ELOVL2: variants seen among roughly 807,000 people sequenced by gnomAD.
The protein encoded by ELOVL2 is very long chain fatty acid elongase 2.
ELOVL2 carries 38 observed loss-of-function variants against 37.7 expected under a neutral mutation model. That is an observed-to-expected ratio of 1.01 (90% CI 0.78 to 1.32). The LOEUF (loss-of-function observed/expected upper bound fraction) is 1.32. Among genes scored for constraint, ELOVL2 ranks in the 40% most tolerant of loss-of-function variants. The pLI, the probability that ELOVL2 is intolerant of heterozygous loss-of-function variation, is 0.00. For synonymous variants in ELOVL2, 115 were observed against 122.3 expected (o/e 0.94, Z 0.40); for missense variants, 352 against 363.6 (o/e 0.97, Z 0.26).
In ELOVL2 at chr6:10,982,848, T is replaced by C. The variant is rs1781964846; in HGVS notation, c.*933A>G. Reference sequence around the variant, plus strand: ...AAAGAGTTGACGAATTCAGTGCCTATTTTGCTCCCATCACTCTGCTACTTC... The same window carrying C: ...AAAGAGTTGACGAATTCAGTGCCTACTTTGCTCCCATCACTCTGCTACTTC... On this transcript the variant is annotated 3_prime_UTR_variant, in exon 8 of 8. Coordinates refer to ENST00000354666, the MANE Select transcript of ELOVL2 (RefSeq NM_017770.4). The C allele has an allele frequency of 6.6e-6, 1 of 152,242 alleles. No individual in the cohort carries two copies. The highest frequency in any genetic ancestry group is 2.1e-4 in the South Asian group (1 of 4,832). 9.4% of individuals were successfully genotyped at this position (152,242 alleles called of 1,614,324 possible).
intron 4 of ELOVL2, among the ~76,000 whole-genome samples, chr6:10,995,771 C>T (rs995571366): frequency 2.6e-5 from 4 of 152,282 alleles, no homozygotes; most frequent in Admixed American, 6.5e-5. Context: ...GCTAGTGTTA[C>T]GAATCTATCA....
At chr6:11,011,691 A>C (rs2113525399) in intron 1 of ELOVL2, among the ~76,000 whole-genome samples, 1 of 152,268 alleles carries the variant, frequency 6.6e-6, no homozygotes, top group South Asian at 2.1e-4. Context: ...TCTACTTTAT[A>C]TTACTGTAAA....
intron 1 of ELOVL2, chr6:11,015,796 G>A (rs927311868): frequency 1.3e-5 from 2 of 152,210 alleles, no homozygotes; most frequent in Admixed American, 1.3e-4. Context: ...GATGCTGACT[G>A]GGACTTCCAC....
Position 10,983,659 on chromosome 6 carries a change from A to C in ELOVL2, c.*122T>G. On this transcript the variant is annotated 3_prime_UTR_variant, in exon 8 of 8. Coordinates refer to ENST00000354666, the MANE Select transcript of ELOVL2 (RefSeq NM_017770.4). ...CAATATATTAATACATTCTGGGTAC[A>C]AATGATTTATGAACTCAAAAGAAAT... 1 of 1,098,524 alleles carries C rather than the reference A, an allele frequency of 9.1e-7. No homozygotes were observed. The highest frequency in any genetic ancestry group is 1.3e-6 in the Non-Finnish European group (1 of 789,086). The allele number at this position is 1,098,524 out of a possible 1,614,324, so 68.0% of individuals were successfully genotyped here.
rs1402336133 is a variant in ELOVL2 at position 10,982,559 on chromosome 6, T to C, written c.*1222A>G. On this transcript the variant is annotated 3_prime_UTR_variant, in exon 8 of 8. Transcript: ENST00000354666. ...TTAGTAGTGAGTAACAGTCCTGCAC[T>C]TATGGAGAAAGGAAATACTCATTAA... 1 of 152,236 alleles carries C rather than the reference T, an allele frequency of 6.6e-6. No individual in the cohort carries two copies. Among genetic ancestry groups the C allele is most frequent in the Non-Finnish European group, 1.5e-5 (1 of 68,050 alleles). The allele number at this position is 152,236 out of a possible 1,614,324, so 9.4% of individuals were successfully genotyped here. A position where few individuals can be genotyped will look rare whatever the true frequency, so the allele number is the denominator to read the frequency against.
intron 5 of ELOVL2, among the ~76,000 whole-genome samples, chr6:10,990,675 C>A (rs994985736): frequency 5.6e-5 from 8 of 142,812 alleles, no homozygotes; most frequent in African/African-American, 7.8e-5. Flanking sequence ...ATGCCCCCCC[C>A]CCGCCACACA....
chr6:11,033,432 A>G (rs1006927414), intron 1 of ELOVL2, among the ~76,000 whole-genome samples: 1 of 152,190 alleles, frequency 6.6e-6, no homozygotes, highest in Non-Finnish European at 1.5e-5. Flanking sequence ...CTTAAGGGTA[A>G]ATTTTTAGGG....
At chr6:11,025,061 G>A (rs991605383) in intron 1 of ELOVL2, among the ~76,000 whole-genome samples, 27 of 152,126 alleles carry the variant, frequency 1.8e-4, no homozygotes, top group African/African-American at 5.5e-4. Flanking sequence ...TGCAATGGTA[G>A]CACAAAGCAA....
chr6:11,029,114 G>T (rs1782881424), intron 1 of ELOVL2, among the ~76,000 whole-genome samples: 1 of 146,828 alleles, frequency 6.8e-6, no homozygotes, highest in South Asian at 2.2e-4. Flanking sequence ...TGTAGTCCTA[G>T]CTACGCAGGA....
rs578237717 is a variant in ELOVL2 at position 10,983,808 on chromosome 6, A to G, written c.864T>C (p.Asn288=). Residue 288 remains asparagine, a synonymous_variant, in exon 8 of 8, where the codon AAT becomes AAC. Coordinates refer to ENST00000354666, the MANE Select transcript of ELOVL2 (RefSeq NM_017770.4). ...GFSKAYFTAA[N]GVMNKKAQ is the part of the protein sequence containing the mutation. ...ATTGTGCTTTCTTGTTCATCACTCC[A>G]TTTGCTGCAGTGAAGTAGGCTTTGG... 1 of 1,611,786 alleles carries G rather than the reference A, an allele frequency of 6.2e-7. No homozygotes were observed.
chr6:11,032,784 C>T (rs150956943), intron 1 of ELOVL2, among the ~76,000 whole-genome samples: 357 of 152,186 alleles, frequency 2.3e-3, no homozygotes, highest in African/African-American at 8.0e-3. Context: ...GTAAGGGAGA[C>T]AGATAATACA....
intron 1 of ELOVL2, among the ~76,000 whole-genome samples, chr6:11,013,759 A>T (rs945243917): frequency 1.3e-5 from 2 of 151,888 alleles, no homozygotes; most frequent in African/African-American, 4.8e-5. Flanking sequence ...AATTGGGTGG[A>T]TGAGAAGGGA....
At chr6:11,036,631 C>T (rs1048002892) in intron 1 of ELOVL2, among the ~76,000 whole-genome samples, 1 of 152,148 alleles carries the variant, frequency 6.6e-6, no homozygotes, top group African/African-American at 2.4e-5. Flanking sequence ...TTAGAACAGT[C>T]ATGAAATCTG....
chr6:11,039,213 A>C (rs923879599), intron 1 of ELOVL2, among the ~76,000 whole-genome samples: 1 of 152,256 alleles, frequency 6.6e-6, no homozygotes, highest in African/African-American at 2.4e-5. Context: ...ACAGTGTCTC[A>C]AAGCAACTTA....
chr6:10,983,542 GGAGA>G lies in ELOVL2; in HGVS notation c.*235_*238del. On this transcript the variant is annotated 3_prime_UTR_variant, in exon 8 of 8. Coordinates refer to ENST00000354666, the MANE Select transcript of ELOVL2 (RefSeq NM_017770.4). ...GAAAGGTTCAGTCTGTGGGAGGGAG[GGAGA>G]GAGAAGCTGCACCAGTTCTGAGGTC... 1 of 342,070 alleles carries G rather than the reference GGAGA, an allele frequency of 2.9e-6. No individual in the cohort carries two copies. The highest frequency in any genetic ancestry group is 5.3e-6 in the Non-Finnish European group (1 of 190,314). The allele number at this position is 342,070 out of a possible 1,614,324, so 21.2% of individuals were successfully genotyped here.
At chr6:11,031,973 T>C (rs1782936205) in intron 1 of ELOVL2, among the ~76,000 whole-genome samples, 1 of 152,190 alleles carries the variant, frequency 6.6e-6, no homozygotes, top group Admixed American at 6.5e-5. Context: ...TGCACCAGAC[T>C]TTCTCTTTTG....
chr6:10,990,377 CAGAA>C lies in ELOVL2; in HGVS notation c.567_570del (p.Ser190CysfsTer31). The C allele has an allele frequency of 9.3e-6, 15 of 1,612,770 alleles. No homozygotes were observed. The highest frequency in any genetic ancestry group is 1.3e-5 in the Non-Finnish European group (15 of 1,179,468). On this transcript the variant is annotated frameshift_variant, in exon 6 of 8. Coordinates refer to ENST00000354666, the MANE Select transcript of ELOVL2 (RefSeq NM_017770.4). LOFTEE classifies it high-confidence loss of function. ...AGATACTTGTGCATAGATGGAAACA[CAGAA>C]AGTCCATAGTAGGAGTACATAAGAA...
In ELOVL2 at chr6:10,990,318, C is replaced by G; in HGVS notation, c.630G>C (p.Leu210=). 1 of 1,609,278 alleles carries G rather than the reference C, an allele frequency of 6.2e-7. No individual in the cohort carries two copies. Among genetic ancestry groups the G allele is most frequent in the African/African-American group, 1.3e-5 (1 of 74,768 alleles). ...AAAGCTAAAAGAAGGGACAACATAC[C>G]AGCTGAGCCTGTGTGAGATATTTCT... ...WWKKYLTQAQ[L]VQFVLTITHT... The change falls in exon 6 of 8, where the codon CTG becomes CTC. Residue 210 remains leucine, a splice_region_variant and synonymous_variant. Transcript: ENST00000354666.
intron 4 of ELOVL2, among the ~76,000 whole-genome samples, chr6:10,996,925 G>A (rs979927442): frequency 6.6e-6 from 1 of 152,010 alleles, no homozygotes; most frequent in African/African-American, 2.4e-5. Context: ...CAGAAGAATC[G>A]CTTGAACCCA....
Sources: allele counts gnomAD v4.1 joint callset (sites outside exome capture counted in the v4.1 genomes callset), GRCh38; gene constraint gnomAD v4.1.1; transcripts MANE v1.5; gene names NCBI Gene and HGNC (gene_info 2026-07-23, HGNC 2026-07-21).